CEP126: variants seen among roughly 807,000 people sequenced by gnomAD.
CEP126 encodes the protein centrosomal protein of 126 kDa.
A neutral mutation model predicts 107.8 loss-of-function variants in CEP126; 74 were observed. The ratio of observed to expected loss-of-function variants is 0.69; its 90% confidence interval spans 0.57 to 0.83. The LOEUF is 0.83. CEP126 is among the 40% of genes least tolerant of loss of function. The pLI is 0.00. For missense variants in CEP126, 1,237 were observed against 1,281.9 expected (o/e 0.96, Z 0.53); for synonymous variants, 449 against 446.0 (o/e 1.01, Z -0.08).
At chr11:101,945,763 T>C (rs368563026) in intron 3 of CEP126, among the ~76,000 whole-genome samples, 1 of 152,100 alleles carries the variant, frequency 6.6e-6, no homozygotes, top group Non-Finnish European at 1.5e-5. Flanking sequence ...ATACCAGTGT[T>C]GTAGGCAGGA....
intron 2 of CEP126, among the ~76,000 whole-genome samples, chr11:101,928,712 T>A (rs1326278745): frequency 6.6e-6 from 1 of 152,180 alleles, no homozygotes; most frequent in East Asian, 1.9e-4. Flanking sequence ...TTTGTATGCA[T>A]CTATTTTGGG....
intron 6 of CEP126, among the ~76,000 whole-genome samples, chr11:101,977,644 A>G (rs1358844531): frequency 6.6e-6 from 1 of 151,118 alleles, no homozygotes; most frequent in Non-Finnish European, 1.5e-5. Context: ...AAAAAAAAAA[A>G]AAAAAAGAAA....
rs557482048 is a variant in CEP126 at position 101,979,970 on chromosome 11, C to T, written c.2958+1511C>T. Among the ~76,000 whole-genome samples, 86 of 151,904 alleles carry T rather than the reference C, an allele frequency of 5.7e-4. 1 individual carries two copies. The highest frequency in any genetic ancestry group is 7.1e-4 in the Non-Finnish European group (48 of 67,964). ...AAACTGGAATATTTTTAATAAAATG[C>T]CTTATGAAGAATTTATATTCCAAGT... is the stretch of plus-strand genomic sequence containing the variant. On this transcript the variant is annotated intron_variant, in intron 7 of 10. Coordinates refer to ENST00000263468, the MANE Select transcript of CEP126 (RefSeq NM_020802.4).
In CEP126 at chr11:101,938,159, C is replaced by CAAAAAAAAAAAAAA. The variant is rs1491167740; in HGVS notation, c.249-6102_249-6089dup. On this transcript the variant is annotated intron_variant, in intron 2 of 10. Coordinates refer to ENST00000263468, the MANE Select transcript of CEP126 (RefSeq NM_020802.4). ...TGGGCGACAGAGCGAGACTCTGTCT[C>CAAAAAAAAAAAAAA]AAAAAAAAAAAAAAAAATACAAGAA... Among the ~76,000 whole-genome samples, 69 of 39,236 alleles carry CAAAAAAAAAAAAAA rather than the reference C, an allele frequency of 1.8e-3. 1 individual carries two copies. Among genetic ancestry groups the CAAAAAAAAAAAAAA allele is most frequent in the Non-Finnish European group, 3.0e-3 (56 of 18,748 alleles). 25.7% of individuals were successfully genotyped at this position (39,236 alleles called of 152,430 possible). A position where few individuals can be genotyped will look rare whatever the true frequency, so the allele number is the denominator to read the frequency against.
intron 2 of CEP126, among the ~76,000 whole-genome samples, chr11:101,933,102 G>C (rs1182607687): frequency 6.6e-6 from 1 of 152,188 alleles, no homozygotes; most frequent in African/African-American, 2.4e-5. Context: ...TGAAGAGTAT[G>C]ATGGGAAAGA....
At chr11:101,927,121 G>A (rs1388033737) in intron 2 of CEP126, among the ~76,000 whole-genome samples, 1 of 152,168 alleles carries the variant, frequency 6.6e-6, no homozygotes, top group Non-Finnish European at 1.5e-5. Context: ...GGCCAACCTG[G>A]TGAAACCCCG....
chr11:101,980,259 C>T (rs1047333147), intron 7 of CEP126, among the ~76,000 whole-genome samples: 11 of 152,110 alleles, frequency 7.2e-5, no homozygotes, highest in Non-Finnish European at 1.6e-4. Flanking sequence ...CTGCCATGTT[C>T]CCATCCAACG....
chr11:101,934,354 A>G (rs1486661514), intron 2 of CEP126, among the ~76,000 whole-genome samples: 1 of 151,992 alleles, frequency 6.6e-6, no homozygotes, highest in Non-Finnish European at 1.5e-5. Flanking sequence ...CACCTCAACT[A>G]TTTACAGTTA....
chr11:101,920,726 C>T (rs1025947440), intron 1 of CEP126, among the ~76,000 whole-genome samples: 1 of 152,024 alleles, frequency 6.6e-6, no homozygotes, highest in Non-Finnish European at 1.5e-5. Context: ...CCACATCAGC[C>T]TCCCAAGTAG....
chr11:101,958,404 C>T (rs2137108743), intron 5 of CEP126, 38 bp downstream of exon 5: 1 of 1,565,130 alleles, frequency 6.4e-7, no homozygotes, highest in Non-Finnish European at 8.8e-7. Context: ...ATTTTAATTC[C>T]TTGCACTAAT....
intron 1 of CEP126, among the ~76,000 whole-genome samples, chr11:101,919,728 A>C (rs1410502559): frequency 6.6e-6 from 1 of 152,222 alleles, no homozygotes; most frequent in Non-Finnish European, 1.5e-5. Context: ...TATAGTTGTC[A>C]GAACATTACA....
intron 4 of CEP126, chr11:101,956,132 C>G (rs763677428): frequency 1.5e-5 from 7 of 456,548 alleles, no homozygotes; most frequent in Non-Finnish European, 3.1e-5. Context: ...CCAGAGTTCT[C>G]CAATCATTCC....
At chr11:101,965,757 A>G (rs182841937) in intron 6 of CEP126, among the ~76,000 whole-genome samples, 88 of 152,322 alleles carry the variant, frequency 5.8e-4, no homozygotes, top group African/African-American at 2.0e-3. Flanking sequence ...ATGCTGAGAA[A>G]TAAATATTTT....
intron 2 of CEP126, 92 bp from the exon 3 acceptor site, chr11:101,944,171 ATG>A: frequency 8.6e-7 from 1 of 1,158,530 alleles, no homozygotes. Flanking sequence ...ATTTTGAAAT[ATG>A]AAAACATTGT....
chr11:101,915,736 T>G lies in CEP126; in HGVS notation c.128+324T>G, dbSNP rs979263521. ...GCCATTATGTTCTTTACTTACATAT[T>G]AACTACTTCCTGATTTATCGTACTA... is the stretch of plus-strand genomic sequence containing the variant. On this transcript the variant is annotated intron_variant, in intron 1 of 10. Coordinates refer to ENST00000263468, the MANE Select transcript of CEP126 (RefSeq NM_020802.4). Among the ~76,000 whole-genome samples, 3 of 152,242 alleles carry G rather than the reference T, an allele frequency of 2.0e-5. No individual in the cohort carries two copies. The East Asian group carries it at 5.8e-4, about 29-fold the overall frequency.
At chr11:101,968,195 T>A (rs531744320) in intron 6 of CEP126, among the ~76,000 whole-genome samples, 2 of 152,232 alleles carry the variant, frequency 1.3e-5, no homozygotes, top group Non-Finnish European at 2.9e-5. Flanking sequence ...AATGATCTAG[T>A]AGGAAGAAAA....
chr11:101,981,996 C>T (rs778543121), intron 8 of CEP126, 32 bp downstream of exon 8: 9 of 1,189,150 alleles, frequency 7.6e-6, no homozygotes, highest in South Asian at 1.3e-5. Flanking sequence ...TTTCTCTGAT[C>T]TTTGTTCCCA....
chr11:101,990,298 T>C (rs1384961764), intron 9 of CEP126, among the ~76,000 whole-genome samples: 1 of 152,130 alleles, frequency 6.6e-6, no homozygotes. Flanking sequence ...CAGCCACTGC[T>C]GTAGGAAAGG....
At chr11:101,975,614 A>G (rs547810095) in intron 6 of CEP126, among the ~76,000 whole-genome samples, 7 of 152,176 alleles carry the variant, frequency 4.6e-5, no homozygotes, top group Non-Finnish European at 8.8e-5. Flanking sequence ...GTTCAGAAGT[A>G]TATGTGCATG....
Sources: gnomAD v4.1 joint callset for allele counts (sites outside exome capture counted in the v4.1 genomes callset) on GRCh38, gnomAD v4.1.1 for gene constraint, MANE v1.5 for transcripts, NCBI Gene and HGNC (gene_info 2026-07-23, HGNC 2026-07-21) for gene names.